Variants in CAPN3 observed in about 807,000 individuals in gnomAD.
CAPN3 encodes the protein calpain-3.
Under a neutral mutation model 114.0 loss-of-function variants are expected in CAPN3, and 88 were observed. The observed-to-expected ratio is 0.77, with a 90% CI of 0.65 to 0.92. CAPN3 has a LOEUF of 0.92. Among genes scored for constraint, CAPN3 ranks in the 40% least tolerant of loss-of-function variants. The pLI is 0.00. For synonymous variants in CAPN3, 386 were observed against 382.9 expected (o/e 1.01, Z -0.09); for missense variants, 1,028 against 1,069.0 (o/e 0.96, Z 0.53).
In CAPN3 at chr15:42,408,634, G is replaced by A. The variant is rs28364529; in HGVS notation, c.1914+310G>A. On this transcript the variant is annotated intron_variant, in intron 16 of 23. Coordinates refer to ENST00000397163, the MANE Select transcript of CAPN3 (RefSeq NM_000070.3). ...ACAGAACCAGCTTGAGAGCGGAGGC[G>A]CAACTCTTGTCTCCTGGTGGCCTTG... 569 of 389,874 alleles carry A rather than the reference G, an allele frequency of 1.5e-3. 5 individuals are homozygous for A. The highest frequency in any genetic ancestry group is 0.011 in the African/African-American group (518 of 47,940). 24.2% of individuals were successfully genotyped at this position (389,874 alleles called of 1,614,324 possible).
At position 42,401,821 on chromosome 15, in the gene CAPN3, C is replaced by G. The variant is rs761633244; in HGVS notation, c.1524+11C>G. The G allele has an allele frequency of 1.1e-5, 17 of 1,610,672 alleles. No homozygotes were observed. The highest frequency in any genetic ancestry group is 1.2e-5 in the Non-Finnish European group (14 of 1,178,318). On this transcript the variant is annotated intron_variant, in intron 11 of 23. Coordinates refer to ENST00000397163, the MANE Select transcript of CAPN3 (RefSeq NM_000070.3). Reference sequence around the variant, plus strand: ...TTCGCCATCTACGAGGTGTGCAGTCCTGATTGGCTCCAGCCCAGGAAACAT... The same window carrying G: ...TTCGCCATCTACGAGGTGTGCAGTCGTGATTGGCTCCAGCCCAGGAAACAT...
intron 5 of CAPN3, among the ~76,000 whole-genome samples, 160 bp from the exon 6 acceptor site, chr15:42,389,793 T>C (rs28364425): frequency 6.6e-6 from 1 of 152,310 alleles, no homozygotes; most frequent in East Asian, 1.9e-4. Context: ...TTTTTTTCTG[T>C]ATCACTTTTC....
At chr15:42,379,652 C>CTTGGAAAA (rs2053185390) in intron 1 of CAPN3, among the ~76,000 whole-genome samples, 1 of 152,162 alleles carries the variant, frequency 6.6e-6, no homozygotes, top group Admixed American at 6.5e-5. Context: ...TGTATGTCTT[C>CTTGGAAAA]TTGGAAAATT....
At chr15:42,360,664 G>C (rs1413136063) in intron 1 of CAPN3, among the ~76,000 whole-genome samples, 1 of 152,202 alleles carries the variant, frequency 6.6e-6, no homozygotes, top group Non-Finnish European at 1.5e-5. Flanking sequence ...TAAAGAGAGA[G>C]AGACCTAGCA....
intron 21 of CAPN3, 73 bp from the exon 22 acceptor site, chr15:42,410,811 G>A: frequency 7.0e-7 from 1 of 1,419,744 alleles, no homozygotes. Context: ...GAGTGGCCGA[G>A]AGGCAGGGAA....
chr15:42,384,856 G>C (rs2053350274), intron 2 of CAPN3, among the ~76,000 whole-genome samples: 1 of 152,142 alleles, frequency 6.6e-6, no homozygotes, highest in Admixed American at 6.5e-5. Flanking sequence ...GCTTTTCACT[G>C]TATCGTCTTT....
intron 1 of CAPN3, among the ~76,000 whole-genome samples, chr15:42,382,867 T>A (rs2053287117): frequency 6.6e-6 from 1 of 152,248 alleles, no homozygotes; most frequent in Non-Finnish European, 1.5e-5. Context: ...TTCGGTTTGC[T>A]TTCAGCTTTT....
chr15:42,367,456 A>G (rs2052818204), intron 1 of CAPN3, among the ~76,000 whole-genome samples: 3 of 152,182 alleles, frequency 2.0e-5, no homozygotes, highest in Non-Finnish European at 2.9e-5. Context: ...TTTTCATTCA[A>G]TCTTCAAGTT....
intron 6 of CAPN3, 82 bp downstream of exon 6, chr15:42,390,178 C>A: frequency 6.7e-7 from 1 of 1,500,926 alleles, no homozygotes; most frequent in Non-Finnish European, 9.2e-7. Context: ...CTCCCCTCAG[C>A]AGCCAGGGCC....
intron 12 of CAPN3, chr15:42,402,441 G>C: frequency 7.0e-7 from 1 of 1,431,120 alleles, no homozygotes; most frequent in African/African-American, 1.4e-5. Context: ...GCGTTCTGAG[G>C]GTGGCTGCCC....
chr15:42,385,841 A>G (rs768273901), intron 2 of CAPN3: 25 of 570,966 alleles, frequency 4.4e-5, no homozygotes, highest in South Asian at 3.5e-4. Context: ...AGGAAGAACA[A>G]CCCAGTTATG....
chr15:42,398,799 T>C (rs2053781534), intron 9 of CAPN3, among the ~76,000 whole-genome samples: 1 of 147,128 alleles, frequency 6.8e-6, no homozygotes, highest in Non-Finnish European at 1.5e-5. Flanking sequence ...TTTTTTTTTT[T>C]TTTGAGACAG....
rs187279903 is a variant in CAPN3 at position 42,410,912 on chromosome 15, C to T, written c.2292C>T (p.Asp764=). The part of the protein sequence containing the change: ...AGFHLNNQLY[D]IITMRYADKH... The stretch of plus-strand genomic sequence containing the variant: ...TCCACCTCAACAACCAGCTCTATGA[C>T]ATCATTACCATGCGGTACGCAGACA... The change falls in exon 22 of 24, where the codon GAC becomes GAT. Residue 764 remains aspartate (D), a synonymous_variant. Transcript: ENST00000397163. 5.6e-5 allele frequency: 91 copies of T among 1,614,148 alleles called. No individual in the cohort carries two copies. In the African/African-American group the frequency reaches 8.8e-4, roughly 16 times the overall value.
chr15:42,395,173 G>A (rs749016495), intron 8 of CAPN3, among the ~76,000 whole-genome samples: 2 of 152,164 alleles, frequency 1.3e-5, no homozygotes, highest in Non-Finnish European at 2.9e-5. Context: ...TACATAGGAG[G>A]CACAGGTCAA....
chr15:42,368,370 C>G (rs2052843383), intron 1 of CAPN3, among the ~76,000 whole-genome samples: 2 of 152,188 alleles, frequency 1.3e-5, no homozygotes, highest in South Asian at 4.1e-4. Context: ...GAAATGCTGT[C>G]TAGCATTCTA....
At chr15:42,405,661 T>A (rs764609908) in intron 14 of CAPN3, among the ~76,000 whole-genome samples, 7 of 152,166 alleles carry the variant, frequency 4.6e-5, no homozygotes, top group Non-Finnish European at 7.3e-5. Flanking sequence ...AGCCAGAAGA[T>A]CTTTTTCCTT....
intron 1 of CAPN3, among the ~76,000 whole-genome samples, chr15:42,377,746 T>C (rs1464207702): frequency 1.3e-5 from 2 of 152,238 alleles, no homozygotes; most frequent in Non-Finnish European, 2.9e-5. Context: ...AAATTCATAT[T>C]ATTTCTTCCT....
chr15:42,405,257 G>C (rs2053985001), intron 14 of CAPN3, among the ~76,000 whole-genome samples: 1 of 152,250 alleles, frequency 6.6e-6, no homozygotes, highest in Admixed American at 6.5e-5. Context: ...AGGTCAGTTT[G>C]AGAGAGCCAT....
chr15:42,395,621 A>C (rs2141183654), intron 8 of CAPN3, among the ~76,000 whole-genome samples: 1 of 152,272 alleles, frequency 6.6e-6, no homozygotes, highest in African/African-American at 2.4e-5. Flanking sequence ...CACTGGCCCA[A>C]GTCACCTGCA....
Sources: allele counts gnomAD v4.1 joint callset (sites outside exome capture counted in the v4.1 genomes callset), GRCh38; gene constraint gnomAD v4.1.1; transcripts MANE v1.5; gene names NCBI Gene and HGNC (gene_info 2026-07-23, HGNC 2026-07-21).